NPIPB2: variants seen among roughly 807,000 people sequenced by gnomAD.
The protein encoded by NPIPB2 is nuclear pore complex-interacting protein family member B2.
Under a neutral mutation model 30.8 loss-of-function variants are expected in NPIPB2, and 27 were observed. The observed-to-expected ratio is 0.88, with a 90% CI of 0.65 to 1.21. The LOEUF is 1.21. NPIPB2 is among the 50% of genes most tolerant of loss of function. The pLI, the probability that NPIPB2 is intolerant of heterozygous loss-of-function variation, is 0.00. For synonymous variants in NPIPB2, 147 were observed against 162.0 expected (o/e 0.91, Z 0.70); for missense variants, 440 against 446.2 (o/e 0.99, Z 0.13).
chr16:11,963,594 T>C (rs547402823), intron 1 of NPIPB2, among the ~76,000 whole-genome samples: 1 of 152,288 alleles, frequency 6.6e-6, no homozygotes, highest in African/African-American at 2.4e-5. Context: ...GAAGCCTTTT[T>C]TGTGCTCCCC....
At chr16:11,944,633 C>T (rs1404326878), upstream of NPIPB2, among the ~76,000 whole-genome samples, 1 of 145,332 alleles carries the variant, frequency 6.9e-6, no homozygotes, top group Non-Finnish European at 1.5e-5. Flanking sequence ...CGTGGTGGTG[C>T]GCACCTGTAA....
rs372567971 is a variant in NPIPB2, at chr16:11,962,277, G to T, written c.-584+14291C>A. 2.3e-4 allele frequency among the ~76,000 whole-genome samples: 35 copies of T among 150,360 alleles called. No homozygotes were observed. In the East Asian group the frequency reaches 5.9e-3, roughly 25 times the overall value. Reference sequence around the variant, plus strand: ...GCACTTTGGGAGGCCGAGGCGGGTCGATCACGAGGTGAGGGGATTGAGACC... The same window carrying T: ...GCACTTTGGGAGGCCGAGGCGGGTCTATCACGAGGTGAGGGGATTGAGACC... On this transcript the variant is annotated intron_variant, in intron 1 of 5. Coordinates refer to the NPIPB2 transcript ENST00000538896.
intron 1 of NPIPB2, among the ~76,000 whole-genome samples, chr16:11,968,247 C>T (rs182116384): frequency 1.9e-3 from 285 of 152,102 alleles, no homozygotes; most frequent in African/African-American, 6.5e-3. Context: ...AAGGCCGAGG[C>T]GGGCAGATTA....
intron 1 of NPIPB2, chr16:11,968,074 A>G: frequency 1.9e-6 from 1 of 514,630 alleles, no homozygotes; most frequent in Non-Finnish European, 3.4e-6. Flanking sequence ...CCTGACATCT[A>G]AGTTTTTATT....
chr16:11,938,182 C>T (rs554845401), intron 1 of NPIPB2, among the ~76,000 whole-genome samples: 2 of 152,084 alleles, frequency 1.3e-5, no homozygotes, highest in Non-Finnish European at 2.9e-5. Context: ...CCATGCCCGA[C>T]TAATTTTTGT....
upstream of NPIPB2, among the ~76,000 whole-genome samples, chr16:11,944,635 C>T (rs1286970870): frequency 6.8e-6 from 1 of 146,660 alleles, no homozygotes; most frequent in African/African-American, 2.5e-5. Context: ...TGGTGGTGCG[C>T]ACCTGTAATC....
chr16:11,935,599 C>A (rs1300443425), intron 2 of NPIPB2, among the ~76,000 whole-genome samples: 1 of 152,138 alleles, frequency 6.6e-6, no homozygotes, highest in Non-Finnish European at 1.5e-5. Flanking sequence ...CAGGCATGAG[C>A]CACCACATCT....
chr16:11,937,561 G>C (rs751552363), exon 2 of NPIPB2: 2 of 1,598,792 alleles, frequency 1.3e-6, no homozygotes, highest in East Asian at 4.5e-5. Flanking sequence ...CTGTCCAGAG[G>C]GTAAGGACAA....
chr16:11,933,267 A>G (rs917020880), intron 4 of NPIPB2, among the ~76,000 whole-genome samples: 11 of 152,050 alleles, frequency 7.2e-5, no homozygotes, highest in Non-Finnish European at 1.0e-4. Context: ...AAAAAAAAAA[A>G]AGAGACAGAG....
intron 4 of NPIPB2, 123 bp downstream of exon 4, chr16:11,933,394 T>C: frequency 7.0e-7 from 1 of 1,429,360 alleles, no homozygotes; most frequent in Non-Finnish European, 9.5e-7. Flanking sequence ...AAGGACAAAC[T>C]CAATTTTGAA....
intron 1 of NPIPB2, among the ~76,000 whole-genome samples, chr16:11,970,705 T>C (rs2055230515): frequency 6.7e-6 from 1 of 149,566 alleles, no homozygotes; most frequent in African/African-American, 2.5e-5. Flanking sequence ...CTGGCTAATT[T>C]TTGTATTTTT....
At chr16:11,948,753 C>T (rs1276006527) in intron 1 of NPIPB2, among the ~76,000 whole-genome samples, 15 of 107,186 alleles carry the variant, frequency 1.4e-4, no homozygotes, top group Non-Finnish European at 2.2e-4. Flanking sequence ...GGTGACAGAG[C>T]GAGACTCCGT....
At chr16:11,944,255 C>T (rs1269220586), upstream of NPIPB2, among the ~76,000 whole-genome samples, 2 of 151,078 alleles carry the variant, frequency 1.3e-5, no homozygotes, top group African/African-American at 4.9e-5. Flanking sequence ...CTGAAACCTC[C>T]ACCTCCCAGG....
intron 1 of NPIPB2, among the ~76,000 whole-genome samples, chr16:11,961,388 T>G (rs1477769689): frequency 6.6e-6 from 1 of 152,194 alleles, no homozygotes; most frequent in Non-Finnish European, 1.5e-5. Context: ...TTCAAAATCT[T>G]TCCTAGGCTC....
upstream of NPIPB2, among the ~76,000 whole-genome samples, chr16:11,943,997 C>CAAAAAAA (rs398070768): frequency 0.2 from 9,960 of 50,308 alleles, 3,026 homozygotes; most frequent in Admixed American, 0.27. Flanking sequence ...GACTCTGTCT[C>CAAAAAAA]AAAAAAAAAA....
rs1226047972 is a variant in NPIPB2, at chr16:11,951,666, A to ACACACACACACACACACACACC, written c.-583-9553_-583-9552insGGTGTGTGTGTGTGTGTGTGTG. 2.6e-3 allele frequency among the ~76,000 whole-genome samples: 357 copies of ACACACACACACACACACACACC among 138,864 alleles called. 7 individuals are homozygous for ACACACACACACACACACACACC. Among genetic ancestry groups the ACACACACACACACACACACACC allele is most frequent in the African/African-American group, 3.8e-3 (143 of 38,128 alleles). The allele number at this position is 138,864 out of a possible 152,430, so 91.1% of individuals were successfully genotyped here. Reference sequence around the variant, plus strand: ...CACACACACACACACACACACACACACCCAGCCCCCAAACAACAAAATTCA... The same window carrying ACACACACACACACACACACACC: ...CACACACACACACACACACACACACACACACACACACACACACACACCCCCAGCCCCCAAACAACAAAATTCA... On this transcript the variant is annotated intron_variant, in intron 1 of 5. Coordinates refer to the NPIPB2 transcript ENST00000538896.
chr16:11,954,952 T>G (rs1212773765), intron 1 of NPIPB2, among the ~76,000 whole-genome samples: 2 of 152,100 alleles, frequency 1.3e-5, no homozygotes, highest in African/African-American at 4.8e-5. Flanking sequence ...AACAAACTTT[T>G]ATTGATTAAA....
chr16:11,967,962 T>G, intron 1 of NPIPB2: 1 of 1,196,944 alleles, frequency 8.4e-7, no homozygotes, highest in Non-Finnish European at 1.2e-6. Context: ...CTTTTTGTCC[T>G]CTAACTGTGG....
exon 8 of NPIPB2, chr16:11,927,572 G>C: frequency 6.2e-7 from 1 of 1,607,160 alleles, no homozygotes; most frequent in Non-Finnish European, 8.5e-7. Context: ...TGGTTTTTCT[G>C]CCTCAGCCTC....
Sources: allele counts gnomAD v4.1 joint callset (sites outside exome capture counted in the v4.1 genomes callset), GRCh38; gene constraint gnomAD v4.1.1; transcripts MANE v1.5; gene names NCBI Gene and HGNC (gene_info 2026-07-23, HGNC 2026-07-21).